Variants in PCDHA5 observed in about 807,000 individuals in gnomAD.
PCDHA5 encodes protocadherin alpha 5.
A neutral mutation model predicts 61.6 loss-of-function variants in PCDHA5; 43 were observed. The observed-to-expected ratio is 0.70, with a 90% CI of 0.55 to 0.90. The LOEUF (loss-of-function observed/expected upper bound fraction) is 0.90. Ranked by LOEUF, PCDHA5 falls within the 40% of genes least tolerant of loss-of-function variation. The probability of loss-of-function intolerance (pLI) is 0.00; values close to 1 mark genes in which losing one functional copy is unlikely to be tolerated. For synonymous variants in PCDHA5, 627 were observed against 543.9 expected (o/e 1.15, Z -2.13); for missense variants, 1,298 against 1,222.7 (o/e 1.06, Z -0.92).
chr5:140,853,476 A>G (rs2042763502), intron 1 of PCDHA5: 2 of 972,352 alleles, frequency 2.1e-6, no homozygotes, highest in South Asian at 4.8e-5. Context: ...TGTAGTTAAC[A>G]TTCCTCAATT....
rs2150253260 is a variant in PCDHA5, at chr5:140,836,120, G to C, written c.2352+11993G>C. 16 of 1,613,628 alleles carry C rather than the reference G, an allele frequency of 9.9e-6. No individual in the cohort carries two copies. The African/African-American group carries it at 1.7e-4, about 18-fold the overall frequency. Reference sequence around the variant, plus strand: ...GTGGCACTGGTGGCGCAGTGAGAGAGCTTGTGCCGCGGTCTGTGGGCGCGG... The same window carrying C: ...GTGGCACTGGTGGCGCAGTGAGAGACCTTGTGCCGCGGTCTGTGGGCGCGG... On this transcript the variant is annotated intron_variant, in intron 1 of 3. Coordinates refer to ENST00000529859, the MANE Select transcript of PCDHA5 (RefSeq NM_018908.3).
Position 140,927,631 on chromosome 5 carries a change from C to T in PCDHA5, c.2353-51318C>T, listed in dbSNP as rs760961070. 1.7e-5 allele frequency: 28 copies of T among 1,614,068 alleles called. No homozygotes were observed. In the Admixed American group the frequency reaches 2.5e-4, roughly 14 times the overall value. On this transcript the variant is annotated intron_variant, in intron 1 of 3. Coordinates refer to ENST00000529859, the MANE Select transcript of PCDHA5 (RefSeq NM_018908.3). ...CCGCACCAAGGTTCCAGAGACTGCA[C>T]CCAATGGGACTGTGTTATTCCGAGT...
intron 1 of PCDHA5, among the ~76,000 whole-genome samples, chr5:140,943,180 C>T (rs2093431387): frequency 6.7e-6 from 1 of 149,602 alleles, no homozygotes; most frequent in South Asian, 2.1e-4. Context: ...ATCGCTTGAA[C>T]CCTGGAGGTG....
chr5:140,895,225 G>GT, intron 1 of PCDHA5, among the ~76,000 whole-genome samples: 1 of 152,168 alleles, frequency 6.6e-6, no homozygotes, highest in African/African-American at 2.4e-5. Context: ...ATTTTACTGA[G>GT]TTTTCTCATC....
At chr5:140,833,341 A>G (rs1049850586) in intron 1 of PCDHA5, among the ~76,000 whole-genome samples, 8 of 152,226 alleles carry the variant, frequency 5.3e-5, no homozygotes, top group African/African-American at 1.9e-4. Context: ...GGAGTGAAAC[A>G]TTCCAGAAAA....
In PCDHA5 at chr5:140,821,748, G is replaced by C. The variant is rs2150110401; in HGVS notation, c.-28G>C. ...AAATACATTGTGTGGTGATGCAATAGAAAGCTCATAATTGGAACGAGATTG... is the reference window on the plus strand; with the variant it reads ...AAATACATTGTGTGGTGATGCAATACAAAGCTCATAATTGGAACGAGATTG... On this transcript the variant is annotated 5_prime_UTR_variant, in exon 1 of 4. An upstream open reading frame in the 5' UTR loses its in-frame stop. Coordinates refer to ENST00000529859, the MANE Select transcript of PCDHA5 (RefSeq NM_018908.3). 6.4e-7 allele frequency: 1 copy of C among 1,571,216 alleles called. No individual in the cohort carries two copies. Among genetic ancestry groups the C allele is most frequent in the Non-Finnish European group, 8.6e-7 (1 of 1,159,662 alleles).
intron 1 of PCDHA5, chr5:140,860,059 T>A (rs894082800): frequency 2.7e-5 from 4 of 150,452 alleles, no homozygotes; most frequent in African/African-American, 9.8e-5. Context: ...GAGGCCAAGG[T>A]GGGAGGATGG....
Position 140,842,669 on chromosome 5 carries a change from G to A in PCDHA5, c.2352+18542G>A, listed in dbSNP as rs1554139258. 2.5e-6 allele frequency: 4 copies of A among 1,595,384 alleles called. No homozygotes were observed. The highest frequency in any genetic ancestry group is 3.4e-5 in the Admixed American group (2 of 59,244). ...GTCTGTGGAGGTGGCCGACGTGAAC[G>A]ACAATGCTCCGGCGTTCGCGCAGCC... On this transcript the variant is annotated intron_variant, in intron 1 of 3. Transcript: ENST00000529859.
chr5:140,824,115 C>A lies in PCDHA5; in HGVS notation c.2340C>A (p.Thr780=). 6.2e-7 allele frequency: 1 copy of A among 1,613,930 alleles called. No homozygotes were observed. Among genetic ancestry groups the A allele is most frequent in the South Asian group, 1.1e-5 (1 of 91,084 alleles). Residue 780 remains threonine, a synonymous_variant, in exon 1 of 4, where the codon ACC becomes ACA. Transcript: ENST00000529859. ...GTCCAAGCCTTCCTCAGGGTCCCACCTCTACAGACAACGTGAGTTTTCTAA... is the reference window on the plus strand; with the variant it reads ...GTCCAAGCCTTCCTCAGGGTCCCACATCTACAGACAACGTGAGTTTTCTAA... The part of the protein sequence containing the change: ...AFSPSLPQGP[T]STDNPRQPNP...
intron 1 of PCDHA5, chr5:140,849,963 G>T: frequency 6.3e-7 from 1 of 1,597,872 alleles, no homozygotes; most frequent in Middle Eastern, 1.9e-4. Flanking sequence ...GAACGCCCTG[G>T]TGTCCTACTC....
intron 3 of PCDHA5, among the ~76,000 whole-genome samples, chr5:140,992,478 A>T (rs2097514142): frequency 6.6e-6 from 1 of 152,210 alleles, no homozygotes; most frequent in African/African-American, 2.4e-5. Flanking sequence ...TAGATCACCC[A>T]GAGGCCAATC....
At position 140,838,838 on chromosome 5, in the gene PCDHA5, C is replaced by T. The variant is rs1484620027; in HGVS notation, c.2352+14711C>T. Among the ~76,000 whole-genome samples the T allele has an allele frequency of 2.0e-5, 3 of 151,902 alleles. No homozygotes were observed. In the East Asian group the frequency reaches 5.8e-4, roughly 29 times the overall value. On this transcript the variant is annotated intron_variant, in intron 1 of 3. Coordinates refer to ENST00000529859, the MANE Select transcript of PCDHA5 (RefSeq NM_018908.3). ...TCAAGAAACTGAGGTGGGAGGATCACTTAAGCCAGGGAGGTCCAAGCTGCA... is the reference window on the plus strand; with the variant it reads ...TCAAGAAACTGAGGTGGGAGGATCATTTAAGCCAGGGAGGTCCAAGCTGCA...
At chr5:140,877,627 A>G (rs782765998) in intron 1 of PCDHA5, 3 of 1,613,732 alleles carry the variant, frequency 1.9e-6, no homozygotes, top group Admixed American at 3.3e-5. Context: ...GCTGCTGTAC[A>G]CTGCGCTGCG....
chr5:140,948,637 T>C (rs2094284946), intron 1 of PCDHA5, among the ~76,000 whole-genome samples: 1 of 151,712 alleles, frequency 6.6e-6, no homozygotes, highest in Non-Finnish European at 1.5e-5. Context: ...TATTCTCTCA[T>C]CTTTTAACGT....
chr5:140,953,528 C>T (rs2094898852), intron 1 of PCDHA5, among the ~76,000 whole-genome samples: 1 of 152,112 alleles, frequency 6.6e-6, no homozygotes, highest in Non-Finnish European at 1.5e-5. Context: ...AAACGGGAAA[C>T]TCACTTCATG....
rs1207602014 is a variant in PCDHA5 at position 140,886,275 on chromosome 5, T to A, written c.2352+62148T>A. On this transcript the variant is annotated intron_variant, in intron 1 of 3. Transcript: ENST00000529859. ...ATCTCTATTTATAGATAAAATTTTT[T>A]AAAATTATTTTTATATTTATTTATT... 5.9e-5 allele frequency among the ~76,000 whole-genome samples: 9 copies of A among 152,098 alleles called. No homozygotes were observed. In the East Asian group the frequency reaches 1.5e-3, roughly 26 times the overall value.
Position 140,857,922 on chromosome 5 carries a change from T to C in PCDHA5, c.2352+33795T>C, listed in dbSNP as rs782519535. On this transcript the variant is annotated intron_variant, in intron 1 of 3. Coordinates refer to ENST00000529859, the MANE Select transcript of PCDHA5 (RefSeq NM_018908.3). Reference sequence around the variant, plus strand: ...GCACGCATCCCGTTTCGCGTGGGGCTGTACACGGGCGAGATCAGTACGACG... The same window carrying C: ...GCACGCATCCCGTTTCGCGTGGGGCCGTACACGGGCGAGATCAGTACGACG... The C allele has an allele frequency of 1.9e-6, 3 of 1,597,722 alleles. No homozygotes were observed. The South Asian group carries it at 3.3e-5, about 18-fold the overall frequency.
chr5:140,912,235 C>G (rs562096532), intron 1 of PCDHA5, among the ~76,000 whole-genome samples: 2 of 151,858 alleles, frequency 1.3e-5, no homozygotes, highest in South Asian at 4.2e-4. Context: ...TCCACTGACT[C>G]AAATGTTAAT....
At chr5:140,858,175 G>A in intron 1 of PCDHA5, 2 of 1,597,716 alleles carry the variant, frequency 1.3e-6, no homozygotes, top group Non-Finnish European at 1.7e-6. Flanking sequence ...CCAGCTTGCT[G>A]GTGCTCACGC....
Sources: allele counts gnomAD v4.1 joint callset (sites outside exome capture counted in the v4.1 genomes callset), GRCh38; gene constraint gnomAD v4.1.1; transcripts MANE v1.5; gene names NCBI Gene and HGNC (gene_info 2026-07-23, HGNC 2026-07-21).